SLC4A8: variants seen among roughly 807,000 people sequenced by gnomAD.
SLC4A8 encodes electroneutral sodium bicarbonate exchanger 1.
In SLC4A8, 40 loss-of-function variants were observed where a neutral mutation model predicts 125.0. That is an observed-to-expected ratio of 0.32 (90% confidence interval 0.25 to 0.42). SLC4A8 has a LOEUF of 0.42. Among genes scored for constraint, SLC4A8 ranks in the 10% least tolerant of loss-of-function variants. The pLI is 1.00. For missense variants in SLC4A8, 863 were observed against 1,355.1 expected (o/e 0.64, Z 5.70); for synonymous variants, 456 against 476.0 (o/e 0.96, Z 0.55).
chr12:51,493,266 T>A (rs1478140028), intron 19 of SLC4A8, among the ~76,000 whole-genome samples: 1 of 152,158 alleles, frequency 6.6e-6, no homozygotes, highest in Non-Finnish European at 1.5e-5. Context: ...CTCAAGCCAC[T>A]GGTCAGTAAA....
chr12:51,480,393 C>T (rs1359445921), intron 16 of SLC4A8: 1 of 1,135,852 alleles, frequency 8.8e-7, no homozygotes. Flanking sequence ...CACATGTGTG[C>T]AGGCAATATT....
chr12:51,445,628 C>T (rs1949750758), intron 2 of SLC4A8, among the ~76,000 whole-genome samples: 3 of 152,084 alleles, frequency 2.0e-5, no homozygotes, highest in Admixed American at 1.3e-4. Context: ...CAGCTCTGCA[C>T]ATTCCCACCT....
intron 1 of SLC4A8, among the ~76,000 whole-genome samples, chr12:51,439,676 T>G (rs1001294884): frequency 1.3e-5 from 2 of 150,524 alleles, no homozygotes; most frequent in Non-Finnish European, 3.0e-5. Context: ...GAAGAGTGGA[T>G]GAGAGATGAA....
At chr12:51,449,237 A>T (rs1949885231) in intron 2 of SLC4A8, among the ~76,000 whole-genome samples, 1 of 152,132 alleles carries the variant, frequency 6.6e-6, no homozygotes, top group Non-Finnish European at 1.5e-5. Context: ...CAGGAGTTTG[A>T]AACAAGCCTG....
intron 1 of SLC4A8, among the ~76,000 whole-genome samples, chr12:51,413,932 C>T (rs779704894): frequency 2.0e-5 from 3 of 152,108 alleles, no homozygotes; most frequent in Admixed American, 1.3e-4. Flanking sequence ...ACAAATTTTA[C>T]GATTATTTTT....
chr12:51,414,921 ATATGGTTTTTGGTCCTT>A (rs1948657100), intron 1 of SLC4A8, among the ~76,000 whole-genome samples: 1 of 152,192 alleles, frequency 6.6e-6, no homozygotes, highest in Non-Finnish European at 1.5e-5. Context: ...GGAAATAATC[ATATGGTTTTTGGTCCTT>A]CATTCTGTTA....
At chr12:51,472,740 A>G (rs1434106493) in intron 14 of SLC4A8, among the ~76,000 whole-genome samples, 1 of 152,168 alleles carries the variant, frequency 6.6e-6, no homozygotes, top group East Asian at 1.9e-4. Flanking sequence ...GGTTCCAGAA[A>G]CAAATTCTTT....
rs1950657465 is a variant in SLC4A8, at chr12:51,470,399, T to C, written c.1532T>C (p.Ile511Thr). ...GACTTTTTTTCCTCTCAGAGTGCAA[T>C]TGAATCCTTGTTTGGAGCTTCCATG... ...GEATEGRISA[I>T]ESLFGASMTG... Residue 511 changes from isoleucine to threonine, a missense_variant, in exon 13 of 25, where the codon ATT becomes ACT. Coordinates refer to ENST00000453097, the MANE Select transcript of SLC4A8 (RefSeq NM_001039960.3). 1.2e-6 allele frequency: 2 copies of C among 1,613,944 alleles called. No homozygotes were observed. The highest frequency in any genetic ancestry group is 1.7e-5 in the Admixed American group (1 of 60,008).
At chr12:51,456,750 T>C (rs902912178) in intron 5 of SLC4A8, among the ~76,000 whole-genome samples, 1 of 152,188 alleles carries the variant, frequency 6.6e-6, no homozygotes, top group Admixed American at 6.5e-5. Flanking sequence ...TAACACTAGG[T>C]ATTGAGATTT....
chr12:51,488,158 A>G (rs570942987), intron 17 of SLC4A8, among the ~76,000 whole-genome samples: 1 of 152,354 alleles, frequency 6.6e-6, no homozygotes, highest in African/African-American at 2.4e-5. Context: ...TACTGAGCAA[A>G]AGGGGCTTGC....
intron 6 of SLC4A8, among the ~76,000 whole-genome samples, chr12:51,458,046 C>G (rs1950210437): frequency 6.6e-6 from 1 of 152,146 alleles, no homozygotes; most frequent in Non-Finnish European, 1.5e-5. Context: ...CCTACTCCAC[C>G]TACTCCATTT....
intron 1 of SLC4A8, among the ~76,000 whole-genome samples, chr12:51,433,851 G>GTGTTT (rs1949282812): frequency 1.5e-5 from 1 of 65,280 alleles, no homozygotes; most frequent in African/African-American, 6.4e-5. Context: ...CACACCATCT[G>GTGTTT]TTTTTTTTTT....
chr12:51,400,395 C>A (rs1270129340), intron 1 of SLC4A8, among the ~76,000 whole-genome samples: 2 of 151,938 alleles, frequency 1.3e-5, no homozygotes, highest in Non-Finnish European at 2.9e-5. Context: ...TAGTCACGTA[C>A]AATTGTAATG....
intron 9 of SLC4A8, 163 bp from the exon 10 acceptor site, chr12:51,462,147 C>T (rs1304565768): frequency 1.4e-5 from 9 of 630,396 alleles, no homozygotes; most frequent in South Asian, 2.0e-5. Context: ...TTTTTAAATC[C>T]TTTTATCCTT....
At chr12:51,401,500 G>A (rs900614605) in intron 1 of SLC4A8, among the ~76,000 whole-genome samples, 4 of 152,156 alleles carry the variant, frequency 2.6e-5, no homozygotes, top group East Asian at 1.9e-4. Flanking sequence ...GGCCGATGGC[G>A]TGCCAGCGTG....
chr12:51,488,363 G>T (rs1352747928), intron 17 of SLC4A8, among the ~76,000 whole-genome samples: 1 of 152,122 alleles, frequency 6.6e-6, no homozygotes, highest in Non-Finnish European at 1.5e-5. Context: ...GGAAAGGGGA[G>T]GTCTGGAAAG....
intron 16 of SLC4A8, among the ~76,000 whole-genome samples, chr12:51,481,815 G>A (rs550214196): frequency 2.6e-5 from 4 of 152,060 alleles, no homozygotes; most frequent in African/African-American, 9.6e-5. Context: ...AGCCAGGCGT[G>A]GTGGTGTGTG....
intron 1 of SLC4A8, among the ~76,000 whole-genome samples, chr12:51,395,502 C>A (rs1223746046): frequency 6.6e-6 from 1 of 152,170 alleles, no homozygotes; most frequent in African/African-American, 2.4e-5. Flanking sequence ...ACAAAGGCAG[C>A]TCTGTGAGGC....
intron 16 of SLC4A8, among the ~76,000 whole-genome samples, chr12:51,479,087 C>T (rs1950941466): frequency 6.6e-6 from 1 of 152,216 alleles, no homozygotes. Context: ...CTTCTCTTCT[C>T]TGACATTTTA....
Sources: allele counts gnomAD v4.1 joint callset (sites outside exome capture counted in the v4.1 genomes callset), GRCh38; gene constraint gnomAD v4.1.1; transcripts MANE v1.5; gene names NCBI Gene and HGNC (gene_info 2026-07-23, HGNC 2026-07-21).